BRAF: variants seen among roughly 807,000 people sequenced by gnomAD.
BRAF encodes B-Raf proto-oncogene, serine/threonine kinase.
In BRAF, 16 loss-of-function variants were observed where a neutral mutation model predicts 104.6. That is an observed-to-expected ratio of 0.15 (90% CI 0.10 to 0.23). The LOEUF (loss-of-function observed/expected upper bound fraction) is 0.23. BRAF is among the 10% of genes least tolerant of loss of function. The pLI is 1.00. For missense variants in BRAF, 541 were observed against 937.3 expected (o/e 0.58, Z 5.52); for synonymous variants, 310 against 341.6 (o/e 0.91, Z 1.02).
chr7:140,768,863 C>T (rs897781876), intron 14 of BRAF, among the ~76,000 whole-genome samples: 1 of 151,956 alleles, frequency 6.6e-6, no homozygotes, highest in African/African-American at 2.4e-5. Context: ...TTGTGTTCTG[C>T]CCCTTTTGTG....
intron 1 of BRAF, among the ~76,000 whole-genome samples, chr7:140,914,251 G>T (rs375429095): frequency 3.9e-5 from 6 of 152,136 alleles, no homozygotes; most frequent in Non-Finnish European, 7.4e-5. Context: ...TGGCCTACTA[G>T]AAGTTCAGTG....
chr7:140,831,998 T>C (rs542974555), intron 3 of BRAF, among the ~76,000 whole-genome samples: 5 of 152,358 alleles, frequency 3.3e-5, no homozygotes, highest in Admixed American at 2.6e-4. Context: ...AGTATTTTGT[T>C]TGGTTTTCTA....
Position 140,725,099 on chromosome 7 carries a change from C to A in BRAF, c.*1395G>T. 1 of 1,043,842 alleles carries A rather than the reference C, an allele frequency of 9.6e-7. No homozygotes were observed. Among genetic ancestry groups the A allele is most frequent in the Non-Finnish European group, 1.2e-6 (1 of 865,838 alleles). 64.7% of individuals were successfully genotyped at this position (1,043,842 alleles called of 1,614,324 possible). A position where few individuals can be genotyped will look rare whatever the true frequency, so the allele number is the denominator to read the frequency against. On this transcript the variant is annotated 3_prime_UTR_variant, in exon 20 of 20. Coordinates refer to ENST00000644969, the MANE Select transcript of BRAF (RefSeq NM_001374258.1). ...GAATTCAGCTGCCAAATTGCCCAACCTTTTGAAGACCAGGCTTGGGAAAAA... is the reference window on the plus strand; with the variant it reads ...GAATTCAGCTGCCAAATTGCCCAACATTTTGAAGACCAGGCTTGGGAAAAA...
In BRAF at chr7:140,725,651, G is replaced by C. The variant is rs1795558586; in HGVS notation, c.*843C>G. 2 of 1,059,000 alleles carry C rather than the reference G, an allele frequency of 1.9e-6. No individual in the cohort carries two copies. Among genetic ancestry groups the C allele is most frequent in the Admixed American group, 5.4e-5 (1 of 18,492 alleles). 65.6% of individuals were successfully genotyped at this position (1,059,000 alleles called of 1,614,324 possible). On this transcript the variant is annotated 3_prime_UTR_variant, in exon 20 of 20. Transcript: ENST00000644969. ...AGTAGTTGGTGACTGGAAGAGCATA[G>C]GAGGAAGATATAAACTGTATTTCCT...
intron 14 of BRAF, among the ~76,000 whole-genome samples, chr7:140,775,547 C>T (rs1418641899): frequency 6.6e-6 from 1 of 151,854 alleles, no homozygotes; most frequent in Non-Finnish European, 1.5e-5. Context: ...CCATGTTGGT[C>T]AGGCTAGTCT....
Position 140,724,729 on chromosome 7 carries a change from C to T in BRAF, c.*1765G>A, listed in dbSNP as rs1795506600. On this transcript the variant is annotated 3_prime_UTR_variant, in exon 20 of 20. Transcript: ENST00000644969. ...ATTTTTAAATAACAATTTCTAATTC[C>T]TTGATTTATTCTGGGTCTTGTTTAA... 9.7e-7 allele frequency: 1 copy of T among 1,033,198 alleles called. No homozygotes were observed. The highest frequency in any genetic ancestry group is 5.7e-5 in the Admixed American group (1 of 17,562). The allele number at this position is 1,033,198 out of a possible 1,614,324, so 64.0% of individuals were successfully genotyped here. A position where few individuals can be genotyped will look rare whatever the true frequency, so the allele number is the denominator to read the frequency against.
chr7:140,880,696 A>G (rs1023950582), intron 1 of BRAF, among the ~76,000 whole-genome samples: 2 of 152,198 alleles, frequency 1.3e-5, no homozygotes, highest in African/African-American at 4.8e-5. Flanking sequence ...CATGGGCTGC[A>G]GAATGAATGC....
At chr7:140,914,859 G>A (rs1377626791) in intron 1 of BRAF, among the ~76,000 whole-genome samples, 1 of 150,234 alleles carries the variant, frequency 6.7e-6, no homozygotes, top group African/African-American at 2.4e-5. Flanking sequence ...CTAACATGGT[G>A]AAATCCCATC....
At chr7:140,804,417 G>A (rs1311424068) in intron 5 of BRAF, among the ~76,000 whole-genome samples, 1 of 148,718 alleles carries the variant, frequency 6.7e-6, no homozygotes, top group Non-Finnish European at 1.5e-5. Flanking sequence ...GGGGGGGGTG[G>A]TTAATACTTT....
intron 1 of BRAF, among the ~76,000 whole-genome samples, chr7:140,885,176 T>C (rs1019304144): frequency 2.6e-5 from 4 of 152,058 alleles, no homozygotes; most frequent in African/African-American, 9.7e-5. Context: ...CCAGCTACCA[T>C]ATTTTTGGTA....
chr7:140,793,786 T>G (rs1802236521), intron 8 of BRAF, among the ~76,000 whole-genome samples: 1 of 152,084 alleles, frequency 6.6e-6, no homozygotes, highest in African/African-American at 2.4e-5. Context: ...TCACCATGCA[T>G]GGCTAATTTG....
chr7:140,726,668 A>G (rs1408525210), intron 19 of BRAF, among the ~76,000 whole-genome samples: 1 of 152,252 alleles, frequency 6.6e-6, no homozygotes, highest in Non-Finnish European at 1.5e-5. Flanking sequence ...AAAACGGCTG[A>G]AACCCATGGA....
At chr7:140,891,011 T>C (rs1225572259) in intron 1 of BRAF, among the ~76,000 whole-genome samples, 1 of 152,220 alleles carries the variant, frequency 6.6e-6, no homozygotes, top group Admixed American at 6.5e-5. Context: ...ATATATCATA[T>C]ACCAAGGATA....
chr7:140,749,252 G>A (rs1239395125), intron 17 of BRAF, 35 bp downstream of exon 16: 5 of 1,609,082 alleles, frequency 3.1e-6, no homozygotes, highest in African/African-American at 1.3e-5. Flanking sequence ...GTATATAGAC[G>A]GTAAAATAAA....
At chr7:140,860,015 T>C (rs544107506) in intron 1 of BRAF, among the ~76,000 whole-genome samples, 1 of 152,302 alleles carries the variant, frequency 6.6e-6, no homozygotes, top group East Asian at 1.9e-4. Context: ...GGAAGCACTG[T>C]ATAATAGTAG....
chr7:140,846,779 T>A lies in BRAF; in HGVS notation c.240+3332A>T, dbSNP rs139814147. On this transcript the variant is annotated intron_variant, in intron 2 of 19. Transcript: ENST00000644969. The stretch of plus-strand genomic sequence containing the variant: ...TGGGTCTCAGTGAGTAATCAGTAGA[T>A]CTAGCTCTTCACTGATGGGCCTTTA... Among the ~76,000 whole-genome samples the A allele has an allele frequency of 3.7e-3, 564 of 152,264 alleles. 2 individuals carry two copies. Among genetic ancestry groups the A allele is most frequent in the African/African-American group, 0.013 (542 of 41,548 alleles).
At chr7:140,734,038 C>A (rs954880089) in intron 19 of BRAF, 52 of 1,039,336 alleles carry the variant, frequency 5.0e-5, no homozygotes, top group Middle Eastern at 8.9e-4. Context: ...TAGTTTATTG[C>A]TTCAAGGAAA....
intron 7 of BRAF, among the ~76,000 whole-genome samples, chr7:140,797,918 G>A (rs1440139402): frequency 6.6e-6 from 1 of 152,114 alleles, no homozygotes; most frequent in Admixed American, 6.6e-5. Context: ...TAGAGCCAAC[G>A]GGAATAAAAT....
chr7:140,801,949 G>A (rs559492703), intron 5 of BRAF, among the ~76,000 whole-genome samples: 10 of 152,166 alleles, frequency 6.6e-5, no homozygotes, highest in African/African-American at 1.7e-4. Flanking sequence ...TGGTGTTGAC[G>A]GAACAAGAAA....
Sources: allele counts gnomAD v4.1 joint callset (sites outside exome capture counted in the v4.1 genomes callset), GRCh38; gene constraint gnomAD v4.1.1; transcripts MANE v1.5; gene names NCBI Gene and HGNC (gene_info 2026-07-23, HGNC 2026-07-21).